Variants in CNOT10 observed in about 807,000 individuals in gnomAD.
The protein encoded by CNOT10 is CCR4-NOT transcription complex, subunit 10.
A neutral mutation model predicts 94.6 loss-of-function variants in CNOT10; 30 were observed. The ratio of observed to expected loss-of-function variants is 0.32; its 90% CI spans 0.24 to 0.43. The LOEUF (loss-of-function observed/expected upper bound fraction) is 0.43. Among genes scored for constraint, CNOT10 ranks in the 20% least tolerant of loss-of-function variants. The probability of loss-of-function intolerance (pLI) is 1.00; values close to 1 mark genes in which losing one functional copy is unlikely to be tolerated. For missense variants in CNOT10, 759 were observed against 877.2 expected, an observed-to-expected ratio of 0.87 and a Z score of 1.70; for synonymous variants, 289 against 301.6, an observed-to-expected ratio of 0.96 and a Z score of 0.43.
chr3:32,753,566 G>A, intron 13 of CNOT10: 1 of 1,586,618 alleles, frequency 6.3e-7, no homozygotes, highest in Non-Finnish European at 8.7e-7. Flanking sequence ...GCTGTGAGAT[G>A]GGAAAAGCTA....
chr3:32,759,031 T>C (rs890953585), intron 13 of CNOT10, among the ~76,000 whole-genome samples: 18 of 152,232 alleles, frequency 1.2e-4, no homozygotes, highest in Admixed American at 2.6e-4. Context: ...ATATCACAAA[T>C]ATATGTAGAA....
At chr3:32,771,968 C>T (rs926821915) in intron 18 of CNOT10, among the ~76,000 whole-genome samples, 1 of 152,144 alleles carries the variant, frequency 6.6e-6, no homozygotes, top group African/African-American at 2.4e-5. Context: ...ATACGATCTC[C>T]AAGATGTATC....
chr3:32,694,903 T>G (rs1696986543), intron 1 of CNOT10, among the ~76,000 whole-genome samples: 1 of 152,092 alleles, frequency 6.6e-6, no homozygotes, highest in African/African-American at 2.4e-5. Flanking sequence ...TTTTATATTT[T>G]TAGTAGAGAT....
chr3:32,750,319 A>AC, intron 13 of CNOT10, among the ~76,000 whole-genome samples: 1 of 152,050 alleles, frequency 6.6e-6, no homozygotes, highest in Non-Finnish European at 1.5e-5. Flanking sequence ...ATATGGTGAA[A>AC]CCCCATCTCT....
chr3:32,728,018 C>T (rs552554878), intron 10 of CNOT10, 148 bp downstream of exon 10: 95 of 527,618 alleles, frequency 1.8e-4, no homozygotes, highest in African/African-American at 1.0e-3. Flanking sequence ...TTTTTTGAGA[C>T]GGAGTTTCTC....
At chr3:32,738,465 C>A (rs1364332720) in intron 13 of CNOT10, among the ~76,000 whole-genome samples, 1 of 141,772 alleles carries the variant, frequency 7.1e-6, no homozygotes, top group East Asian at 2.0e-4. Flanking sequence ...TTTTATATTT[C>A]TTTTTTTTTT....
chr3:32,697,701 C>T (rs1244538089), intron 1 of CNOT10, among the ~76,000 whole-genome samples: 1 of 152,116 alleles, frequency 6.6e-6, no homozygotes, highest in East Asian at 1.9e-4. Context: ...TCTGGAACTC[C>T]TAGGCTCAAG....
At chr3:32,761,162 A>G (rs909335748) in intron 14 of CNOT10, among the ~76,000 whole-genome samples, 7 of 152,132 alleles carry the variant, frequency 4.6e-5, no homozygotes, top group Admixed American at 3.3e-4. Flanking sequence ...ACTATATAAG[A>G]GACTTTGTCA....
chr3:32,771,311 T>A lies in CNOT10; in HGVS notation c.2080+1349T>A, dbSNP rs577086877. The stretch of plus-strand genomic sequence containing the variant: ...CAGAATAAGACCTTGTCTAAAAAAA[T>A]AATAATAGGCCGGGCACAGTGGCTC... On this transcript the variant is annotated intron_variant, in intron 18 of 18. Coordinates refer to ENST00000328834, the MANE Select transcript of CNOT10 (RefSeq NM_015442.3). Among the ~76,000 whole-genome samples the A allele has an allele frequency of 2.0e-5, 3 of 151,594 alleles. No individual in the cohort carries two copies. In the East Asian group the frequency reaches 5.9e-4, roughly 30 times the overall value.
chr3:32,714,071 A>G (rs1698008953), intron 5 of CNOT10, among the ~76,000 whole-genome samples: 1 of 152,148 alleles, frequency 6.6e-6, no homozygotes, highest in Admixed American at 6.5e-5. Flanking sequence ...TCTTAACTCT[A>G]TATTTAACCC....
At chr3:32,716,570 C>T (rs1374092930) in intron 6 of CNOT10, among the ~76,000 whole-genome samples, 2 of 152,106 alleles carry the variant, frequency 1.3e-5, no homozygotes, top group African/African-American at 4.8e-5. Flanking sequence ...ATAAAATCAA[C>T]TGGAATTTTA....
intron 13 of CNOT10, chr3:32,753,879 A>G: frequency 1.5e-6 from 2 of 1,367,816 alleles, no homozygotes; most frequent in South Asian, 2.4e-5. Context: ...AATCCTGATG[A>G]TATGGAATGG....
chr3:32,704,400 A>G (rs1406131518), intron 2 of CNOT10, among the ~76,000 whole-genome samples: 2 of 152,132 alleles, frequency 1.3e-5, no homozygotes, highest in Admixed American at 6.5e-5. Context: ...ATGAAAGAAA[A>G]CCTTATTTGG....
rs3763570 is a variant in CNOT10 at position 32,773,056 on chromosome 3, G to A, written c.2081-401G>A. 1.7e-3 allele frequency among the ~76,000 whole-genome samples: 265 copies of A among 152,132 alleles called. 4 individuals carry two copies. In the East Asian group the frequency reaches 0.043, roughly 25 times the overall value. ...AATTTTTGTATTTTTTTGTAGAGAC[G>A]GGGTTTCACCATGGTACCCAAGCTG... On this transcript the variant is annotated intron_variant, in intron 18 of 18. Transcript: ENST00000328834.
intron 18 of CNOT10, among the ~76,000 whole-genome samples, chr3:32,770,869 ATGCC>A (rs1700873052): frequency 1.3e-5 from 2 of 151,784 alleles, no homozygotes; most frequent in Admixed American, 1.3e-4. Flanking sequence ...ACCCACCAAC[ATGCC>A]TGGTTAATTT....
Position 32,733,525 on chromosome 3 carries a change from A to G in CNOT10, c.1318A>G (p.Ile440Val), listed in dbSNP as rs558651867. 21 of 1,583,114 alleles carry G rather than the reference A, an allele frequency of 1.3e-5. No homozygotes were observed. Among genetic ancestry groups the G allele is most frequent in the African/African-American group, 9.4e-5 (7 of 74,274 alleles). Residue 440 changes from isoleucine (I) to valine (V), a missense_variant, in exon 11 of 19, where the codon ATA (isoleucine) becomes GTA (valine). Physicochemically the swap from Ile to Val is conservative, Grantham distance 29. Around this residue, in one of 3 missense-constraint regions of CNOT10, gnomAD observed 682 missense variants for 799.4 expected, o/e 0.85. Transcript: ENST00000328834. ...TAAAATAGTTTTGGCATCACAGTCT[A>G]TACAGAATACTGTTTATAAGTAAGT... is the stretch of plus-strand genomic sequence containing the variant. ...HRKIVLASQS[I>V]QNTVYNDGQS...
Position 32,753,810 on chromosome 3 carries a change from C to G in CNOT10, c.1596-5648C>G, listed in dbSNP as rs1700071731. 3.2e-6 allele frequency: 5 copies of G among 1,585,922 alleles called. No homozygotes were observed. In the Admixed American group the frequency reaches 8.5e-5, roughly 27 times the overall value. On this transcript the variant is annotated intron_variant, in intron 13 of 18. Coordinates refer to ENST00000328834, the MANE Select transcript of CNOT10 (RefSeq NM_015442.3). ...CCATGAACAGATCCTTTATGGGAGT[C>G]TGATGGTACAGTTTTGAGTACCAGC...
intron 18 of CNOT10, among the ~76,000 whole-genome samples, chr3:32,773,037 T>G (rs570127882): frequency 1.3e-4 from 20 of 152,242 alleles, no homozygotes; most frequent in African/African-American, 4.8e-4. Context: ...AGCTAATTTT[T>G]GTATTTTTTT....
chr3:32,755,171 G>A (rs113757872), intron 13 of CNOT10, among the ~76,000 whole-genome samples: 5,493 of 151,104 alleles, frequency 0.036, 146 homozygotes, highest in Middle Eastern at 0.079. Context: ...ACTTGCAACC[G>A]GGAAGTGGAG....
Sources: gnomAD v4.1 joint callset for allele counts (sites outside exome capture counted in the v4.1 genomes callset) on GRCh38, gnomAD v4.1.1 for gene constraint, gnomAD v4.1.1 regional missense constraint, MANE v1.5 for transcripts, NCBI Gene and HGNC (gene_info 2026-07-23, HGNC 2026-07-21) for gene names.